DNTT: variants seen among roughly 807,000 people sequenced by gnomAD.
The protein encoded by DNTT is nucleosidetriphosphate:DNA deoxynucleotidylexotransferase.
Under a neutral mutation model 60.9 loss-of-function variants are expected in DNTT, and 47 were observed. The observed-to-expected ratio is 0.77, with a 90% CI of 0.61 to 0.98. The LOEUF is 0.98. DNTT is among the 50% of genes least tolerant of loss of function. The pLI, the probability that DNTT is intolerant of heterozygous loss-of-function variation, is 0.00. For missense variants in DNTT, 665 were observed against 627.5 expected, an observed-to-expected ratio of 1.06 and a Z score of -0.64; for synonymous variants, 224 against 221.2, an observed-to-expected ratio of 1.01 and a Z score of -0.11.
At chr10:96,311,656 T>C (rs1355404134) in intron 1 of DNTT, among the ~76,000 whole-genome samples, 1 of 152,196 alleles carries the variant, frequency 6.6e-6, no homozygotes, top group Non-Finnish European at 1.5e-5. Flanking sequence ...TTTATTTGTT[T>C]GGGGGGAGAC....
At chr10:96,306,172 C>T (rs949711026) in intron 1 of DNTT, among the ~76,000 whole-genome samples, 1 of 150,514 alleles carries the variant, frequency 6.6e-6, no homozygotes, top group African/African-American at 2.5e-5. Context: ...CGGCTCACTG[C>T]AACCTCCGCC....
At chr10:96,326,768 G>A (rs1374108059) in intron 6 of DNTT, among the ~76,000 whole-genome samples, 1 of 152,168 alleles carries the variant, frequency 6.6e-6, no homozygotes, top group Non-Finnish European at 1.5e-5. Context: ...GGAGAGCAGC[G>A]ATGCTGAAGC....
chr10:96,307,880 T>C (rs530300218), intron 1 of DNTT, among the ~76,000 whole-genome samples: 1 of 150,734 alleles, frequency 6.6e-6, no homozygotes, highest in South Asian at 2.1e-4. Context: ...CAACGGATCC[T>C]CTCACCTCAG....
chr10:96,304,797 G>T (rs1844614639), intron 1 of DNTT, 97 bp downstream of exon 1: 2 of 1,362,166 alleles, frequency 1.5e-6, no homozygotes, highest in African/African-American at 2.9e-5. Flanking sequence ...ACATGTGGAA[G>T]AGGTGATCTT....
At chr10:96,322,973 A>T (rs1024571887) in intron 5 of DNTT, among the ~76,000 whole-genome samples, 2 of 152,152 alleles carry the variant, frequency 1.3e-5, no homozygotes, top group African/African-American at 4.8e-5. Flanking sequence ...ATGGTGAGAG[A>T]GAGACAGAGA....
intron 2 of DNTT, among the ~76,000 whole-genome samples, 173 bp downstream of exon 2, chr10:96,318,699 C>T (rs1036563624): frequency 2.0e-5 from 3 of 152,162 alleles, no homozygotes; most frequent in African/African-American, 4.8e-5. Flanking sequence ...TATGACATAA[C>T]GATAATGCCA....
intron 10 of DNTT, among the ~76,000 whole-genome samples, 159 bp from the exon 11 acceptor site, chr10:96,337,979 A>T (rs1845093586): frequency 1.3e-5 from 2 of 152,252 alleles, no homozygotes; most frequent in African/African-American, 2.4e-5. Flanking sequence ...TGTTTTGGAA[A>T]GTCAGTTAAA....
intron 9 of DNTT, among the ~76,000 whole-genome samples, chr10:96,334,940 C>G (rs1406997405): frequency 6.6e-6 from 1 of 152,180 alleles, no homozygotes; most frequent in African/African-American, 2.4e-5. Context: ...GAAATTGTTG[C>G]TGTTGGTTCT....
chr10:96,306,222 T>C (rs374834525), intron 1 of DNTT, among the ~76,000 whole-genome samples: 1 of 151,536 alleles, frequency 6.6e-6, no homozygotes, highest in East Asian at 1.9e-4. Context: ...GCCTCCCAAG[T>C]AGCTGGGACT....
At chr10:96,307,697 G>GTA (rs1348163250) in intron 1 of DNTT, among the ~76,000 whole-genome samples, 1 of 64,628 alleles carries the variant, frequency 1.5e-5, no homozygotes, top group African/African-American at 5.5e-5. Context: ...GTATGTGTGT[G>GTA]TGTGTGTGTA....
At chr10:96,332,257 C>G (rs1845015257) in intron 8 of DNTT, 94 bp from the exon 9 acceptor site, 2 of 1,534,032 alleles carry the variant, frequency 1.3e-6, no homozygotes, top group Non-Finnish European at 8.8e-7. Flanking sequence ...CCATGTTCTG[C>G]TCGAATCTGA....
intron 1 of DNTT, among the ~76,000 whole-genome samples, chr10:96,307,987 T>C (rs1158212878): frequency 1.3e-5 from 2 of 151,810 alleles, no homozygotes; most frequent in Non-Finnish European, 2.9e-5. Flanking sequence ...TTTGGACTCC[T>C]AGCTCCTGCC....
chr10:96,334,229 T>C (rs2181325), intron 9 of DNTT, among the ~76,000 whole-genome samples: 148,203 of 152,276 alleles, frequency 0.97, 72,263 homozygotes, highest in Middle Eastern at 1. Flanking sequence ...GGACAAGTTC[T>C]CTATATCCTG....
At chr10:96,319,159 A>G in intron 2 of DNTT, 103 bp from the exon 3 acceptor site, 1 of 1,355,696 alleles carries the variant, frequency 7.4e-7, no homozygotes, top group Non-Finnish European at 1.0e-6. Flanking sequence ...GTCTCCTATA[A>G]TTTTATCCTC....
chr10:96,324,195 G>A, intron 5 of DNTT, 71 bp from the exon 6 acceptor site: 1 of 1,527,956 alleles, frequency 6.5e-7, no homozygotes, highest in Non-Finnish European at 8.8e-7. Flanking sequence ...CTGAGACCTA[G>A]AAAGGGTCAT....
chr10:96,332,303 ATCT>A (rs770316042), intron 8 of DNTT, 45 bp from the exon 9 acceptor site: 11 of 1,590,990 alleles, frequency 6.9e-6, no homozygotes, highest in South Asian at 2.3e-5. Flanking sequence ...TAAATCATAG[ATCT>A]TCTTCATCAG....
intron 9 of DNTT, 133 bp downstream of exon 9, chr10:96,332,729 T>A: frequency 7.5e-7 from 1 of 1,338,580 alleles, no homozygotes; most frequent in Non-Finnish European, 1.0e-6. Context: ...CAGAAACCTC[T>A]AACTCAAGGC....
rs80093534 is a variant in DNTT, at chr10:96,315,460, T to A, written c.204-2892T>A. 7.3e-3 allele frequency among the ~76,000 whole-genome samples: 1,111 copies of A among 152,272 alleles called. 9 individuals carry two copies. Among genetic ancestry groups the A allele is most frequent in the African/African-American group, 0.021 (878 of 41,548 alleles). The stretch of plus-strand genomic sequence containing the variant: ...TTTTGTTTTGTTTGCTAGTTGCTTA[T>A]TGAACAGGAAGTGGGAGTTTAAATC... On this transcript the variant is annotated intron_variant, in intron 1 of 10. Coordinates refer to ENST00000371174, the MANE Select transcript of DNTT (RefSeq NM_004088.4).
At chr10:96,331,030 C>T (rs1845000548) in intron 8 of DNTT, among the ~76,000 whole-genome samples, 1 of 152,160 alleles carries the variant, frequency 6.6e-6, no homozygotes. Flanking sequence ...TGCCCTGTGC[C>T]ATCAGGAACT....
Sources: gnomAD v4.1 joint callset for allele counts (sites outside exome capture counted in the v4.1 genomes callset) on GRCh38, gnomAD v4.1.1 for gene constraint, MANE v1.5 for transcripts, NCBI Gene and HGNC (gene_info 2026-07-23, HGNC 2026-07-21) for gene names.